PPP3CA: variants seen among roughly 807,000 people sequenced by gnomAD.
PPP3CA encodes the protein protein phosphatase 3 catalytic subunit alpha, also known as CAM-PRP catalytic subunit.
In PPP3CA, 14 loss-of-function variants were observed where a neutral mutation model predicts 66.5. The ratio of observed to expected loss-of-function variants is 0.21; its 90% CI spans 0.14 to 0.33. The LOEUF (loss-of-function observed/expected upper bound fraction) is 0.33. PPP3CA is among the 10% of genes least tolerant of loss of function. The pLI, the probability that PPP3CA is intolerant of heterozygous loss-of-function variation, is 1.00. For missense variants in PPP3CA, 317 were observed against 639.5 expected (o/e 0.50, Z 5.44); for synonymous variants, 232 against 226.2 (o/e 1.03, Z -0.23).
At position 101,025,023 on chromosome 4, in the gene PPP3CA, C is replaced by T. The variant is rs1426235255; in HGVS notation, c.*842G>A. 1 of 151,366 alleles carries T rather than the reference C, an allele frequency of 6.6e-6. No homozygotes were observed. The highest frequency in any genetic ancestry group is 1.5e-5 in the Non-Finnish European group (1 of 67,904). The allele number at this position is 151,366 out of a possible 1,614,324, so 9.4% of individuals were successfully genotyped here. ...GTCTTGTTCACTATACTTAAAAATGCACCACTCATAAATATTTAATTCAGC... is the reference window on the plus strand; with the variant it reads ...GTCTTGTTCACTATACTTAAAAATGTACCACTCATAAATATTTAATTCAGC... On this transcript the variant is annotated 3_prime_UTR_variant, in exon 14 of 14. Transcript: ENST00000394854.
intron 2 of PPP3CA, among the ~76,000 whole-genome samples, chr4:101,142,230 T>G (rs978880435): frequency 1.3e-5 from 2 of 152,212 alleles, no homozygotes; most frequent in Non-Finnish European, 2.9e-5. Flanking sequence ...GAAGTAAGCA[T>G]TTTATAAATA....
chr4:101,260,592 GC>G (rs1243812079), intron 1 of PPP3CA, among the ~76,000 whole-genome samples: 1 of 152,028 alleles, frequency 6.6e-6, no homozygotes, highest in African/African-American at 2.4e-5. Flanking sequence ...CTCTGTTTCA[GC>G]CCTGATGAGC....
At chr4:101,033,275 GACACACACACACACACAAAC>G (rs1331728052) in intron 11 of PPP3CA, among the ~76,000 whole-genome samples, 8,759 of 126,846 alleles carry the variant, frequency 0.069, 289 homozygotes, top group South Asian at 0.1. Flanking sequence ...CATACATAGA[GACACACACACACACACAAAC>G]ACACACACAC....
intron 2 of PPP3CA, among the ~76,000 whole-genome samples, chr4:101,145,149 GA>G: frequency 6.6e-6 from 1 of 151,638 alleles, no homozygotes; most frequent in East Asian, 1.9e-4. Flanking sequence ...ATGTTTTCAG[GA>G]AAAAAAATCT....
intron 8 of PPP3CA, among the ~76,000 whole-genome samples, chr4:101,074,759 T>C (rs1729107011): frequency 1.3e-5 from 2 of 152,212 alleles, no homozygotes; most frequent in African/African-American, 2.4e-5. Flanking sequence ...TTATCAGCAA[T>C]TATATCAAGT....
intron 1 of PPP3CA, among the ~76,000 whole-genome samples, chr4:101,216,361 CA>C: frequency 6.6e-6 from 1 of 152,074 alleles, no homozygotes; most frequent in Non-Finnish European, 1.5e-5. Context: ...CATAATTATA[CA>C]CTTTTGAATC....
chr4:101,285,657 T>C (rs1175575981), intron 1 of PPP3CA, among the ~76,000 whole-genome samples: 2 of 137,594 alleles, frequency 1.5e-5, no homozygotes, highest in Admixed American at 1.5e-4. Flanking sequence ...GTGTGTGTTT[T>C]CTAATACATA....
At chr4:101,132,369 T>C (rs1234710952) in intron 2 of PPP3CA, among the ~76,000 whole-genome samples, 2 of 151,452 alleles carry the variant, frequency 1.3e-5, no homozygotes, top group Admixed American at 6.6e-5. Context: ...TAATAAAAAA[T>C]AAAAGAGAGA....
intron 2 of PPP3CA, among the ~76,000 whole-genome samples, chr4:101,172,397 C>A (rs1167269259): frequency 2.0e-5 from 3 of 152,058 alleles, no homozygotes; most frequent in Non-Finnish European, 4.4e-5. Context: ...CAAAAACTTA[C>A]AAGAATACCT....
chr4:101,198,487 GTGAAGGTTTAAGTGGCTCT>G (rs375494851), intron 1 of PPP3CA, among the ~76,000 whole-genome samples: 289 of 152,288 alleles, frequency 1.9e-3, no homozygotes, highest in East Asian at 0.014. Context: ...TTAGGCAACA[GTGAAGGTTTAAGTGGCTCT>G]GCATAACTGT....
rs566111470 is a variant in PPP3CA, at chr4:101,218,637, G to C, written c.59-22521C>G. Among the ~76,000 whole-genome samples, 58 of 151,698 alleles carry C rather than the reference G, an allele frequency of 3.8e-4. No individual in the cohort carries two copies. In the South Asian group the frequency reaches 0.011, roughly 29 times the overall value. On this transcript the variant is annotated intron_variant, in intron 1 of 13. Coordinates refer to ENST00000394854, the MANE Select transcript of PPP3CA (RefSeq NM_000944.5). ...AAACAATTCATTTAGAAAAAACAAA[G>C]GAAAAAAATTATGTATAATAACGGA...
intron 2 of PPP3CA, among the ~76,000 whole-genome samples, chr4:101,164,682 G>T (rs1723634758): frequency 6.6e-6 from 1 of 151,488 alleles, no homozygotes; most frequent in African/African-American, 2.4e-5. Context: ...TACTTCAGTG[G>T]TTCCCAGACT....
chr4:101,300,781 C>T (rs893065923), intron 1 of PPP3CA, among the ~76,000 whole-genome samples: 7 of 152,114 alleles, frequency 4.6e-5, no homozygotes, highest in Admixed American at 1.3e-4. Context: ...GGTGACAGAA[C>T]GAGACTCTGC....
intron 1 of PPP3CA, among the ~76,000 whole-genome samples, chr4:101,324,545 TA>T (rs372271709): frequency 1.3e-5 from 2 of 151,996 alleles, no homozygotes; most frequent in East Asian, 1.9e-4. Context: ...GAAGAACATT[TA>T]AAAAAAATTA....
At chr4:101,305,723 T>C (rs532726512) in intron 1 of PPP3CA, among the ~76,000 whole-genome samples, 1 of 152,218 alleles carries the variant, frequency 6.6e-6, no homozygotes, top group East Asian at 1.9e-4. Flanking sequence ...CAGAATGAAA[T>C]CATTTGTCAC....
At chr4:101,040,933 G>GT (rs1727489769) in intron 10 of PPP3CA, among the ~76,000 whole-genome samples, 1 of 152,154 alleles carries the variant, frequency 6.6e-6, no homozygotes, top group Admixed American at 6.5e-5. Flanking sequence ...GAAGAGTTAA[G>GT]TACCTTATCA....
At chr4:101,124,674 AAAG>A (rs1722143975) in intron 2 of PPP3CA, among the ~76,000 whole-genome samples, 1 of 72,692 alleles carries the variant, frequency 1.4e-5, no homozygotes, top group African/African-American at 7.0e-5. Flanking sequence ...AGAAAGAAAG[AAAG>A]AAAGAAAGAA....
At chr4:101,280,076 G>A (rs1727631025) in intron 1 of PPP3CA, among the ~76,000 whole-genome samples, 1 of 152,156 alleles carries the variant, frequency 6.6e-6, no homozygotes, top group Non-Finnish European at 1.5e-5. Flanking sequence ...ACCAGGCACT[G>A]TAGTAAGAAA....
intron 1 of PPP3CA, among the ~76,000 whole-genome samples, chr4:101,199,844 T>C (rs1724914813): frequency 6.6e-6 from 1 of 152,220 alleles, no homozygotes; most frequent in South Asian, 2.1e-4. Flanking sequence ...GTTACTAGTC[T>C]ACCTATGAAC....
Sources: allele counts gnomAD v4.1 joint callset (sites outside exome capture counted in the v4.1 genomes callset), GRCh38; gene constraint gnomAD v4.1.1; transcripts MANE v1.5; gene names NCBI Gene and HGNC (gene_info 2026-07-23, HGNC 2026-07-21).